The following PRKAA2 variants were observed in gnomAD, a reference collection of about 807,000 sequenced individuals.
The protein encoded by PRKAA2 is 5'-AMP-activated protein kinase catalytic subunit alpha-2.
Under a neutral mutation model 56.3 loss-of-function variants are expected in PRKAA2, and 40 were observed. That is an observed-to-expected ratio of 0.71 (90% CI 0.55 to 0.92). The LOEUF (loss-of-function observed/expected upper bound fraction) is 0.92. Among genes scored for constraint, PRKAA2 ranks in the 40% least tolerant of loss-of-function variants. PRKAA2 has a pLI of 0.00. For missense variants in PRKAA2, 542 were observed against 686.9 expected, an observed-to-expected ratio of 0.79 and a Z score of 2.36; for synonymous variants, 214 against 234.2, an observed-to-expected ratio of 0.91 and a Z score of 0.79.
chr1:56,654,178 G>A (rs1172286202), intron 1 of PRKAA2, among the ~76,000 whole-genome samples: 2 of 152,014 alleles, frequency 1.3e-5, no homozygotes, highest in Non-Finnish European at 2.9e-5. Context: ...GTCATATATT[G>A]AGGTAATTAC....
At chr1:56,693,202 C>T (rs1169290037) in intron 4 of PRKAA2, among the ~76,000 whole-genome samples, 1 of 152,102 alleles carries the variant, frequency 6.6e-6, no homozygotes, top group African/African-American at 2.4e-5. Flanking sequence ...ACTACTTTCT[C>T]TATTTCTCTT....
rs373434788 is a variant in PRKAA2 at position 56,707,514 on chromosome 1, A to G, written c.1460A>G (p.Gln487Arg). ...CAGAGATCTGGTTCCTCAACACCTC[A>G]GCGTTCCTGTTCTGCTGCTGGCTTA... Reference protein sequence around the residue: ...VEQRSGSSTPQRSCSAAGLHR... With the variant: ...VEQRSGSSTPRRSCSAAGLHR... Residue 487 changes from glutamine to arginine, a missense_variant, in exon 9 of 9, where the codon CAG becomes CGG. By Grantham distance (43) the Gln-to-Arg change is conservative. This residue lies in a region of PRKAA2 where 158 missense variants were observed against 166.1 expected (regional missense o/e 0.95). Coordinates refer to ENST00000371244, the MANE Select transcript of PRKAA2 (RefSeq NM_006252.4). 5 of 1,614,164 alleles carry G rather than the reference A, an allele frequency of 3.1e-6. No homozygotes were observed. The highest frequency in any genetic ancestry group is 4.2e-6 in the Non-Finnish European group (5 of 1,180,012).
chr1:56,666,187 T>C (rs527304025), intron 1 of PRKAA2, among the ~76,000 whole-genome samples: 83 of 152,264 alleles, frequency 5.5e-4, no homozygotes, highest in African/African-American at 1.7e-3. Context: ...TTTTTTTCCA[T>C]ACAGTAAATA....
chr1:56,703,432 C>T (rs1311970804), intron 6 of PRKAA2, among the ~76,000 whole-genome samples: 1 of 152,152 alleles, frequency 6.6e-6, no homozygotes, highest in Non-Finnish European at 1.5e-5. Flanking sequence ...CTCATACCTT[C>T]TTCATTCAAT....
rs58796323 is a variant in PRKAA2 at position 56,687,136 on chromosome 1, G to A, written c.237-4258G>A. ...CGACCTCAGGTGATTCACCTGTCTCGGCCTCCCAAAGTGCTGGGATTACAG... is the reference window on the plus strand; with the variant it reads ...CGACCTCAGGTGATTCACCTGTCTCAGCCTCCCAAAGTGCTGGGATTACAG... On this transcript the variant is annotated intron_variant, in intron 2 of 8. Coordinates refer to ENST00000371244, the MANE Select transcript of PRKAA2 (RefSeq NM_006252.4). Among the ~76,000 whole-genome samples the A allele has an allele frequency of 5.6e-3, 844 of 152,010 alleles. 9 individuals carry two copies. The highest frequency in any genetic ancestry group is 0.02 in the African/African-American group (816 of 41,438).
At chr1:56,656,456 A>G (rs1263732930) in intron 1 of PRKAA2, among the ~76,000 whole-genome samples, 2 of 152,194 alleles carry the variant, frequency 1.3e-5, no homozygotes, top group Non-Finnish European at 2.9e-5. Context: ...TGATTGGTTA[A>G]CTGCATTTGG....
At chr1:56,684,159 A>G (rs1030427541) in intron 2 of PRKAA2, among the ~76,000 whole-genome samples, 3 of 152,174 alleles carry the variant, frequency 2.0e-5, no homozygotes, top group Admixed American at 6.6e-5. Flanking sequence ...ACGCCAAGGC[A>G]TCTGGCCTCG....
At position 56,705,167 on chromosome 1, in the gene PRKAA2, A is replaced by G. The variant is rs550781967; in HGVS notation, c.1293+692A>G. On this transcript the variant is annotated intron_variant, in intron 7 of 8. Transcript: ENST00000371244. ...GAAGAAAAATGTGCAAACTTACCAC[A>G]TAAATATGCATTTGACGTGTTCAAA... Among the ~76,000 whole-genome samples the G allele has an allele frequency of 2.0e-5, 3 of 152,338 alleles. No homozygotes were observed. In the South Asian group the frequency reaches 6.2e-4, roughly 32 times the overall value.
In PRKAA2 at chr1:56,652,008, ATT is replaced by A. The variant is rs35462805; in HGVS notation, c.94+6548_94+6549del. ...AGGCGCCTGCCACCACGCCTGGCTAATTTTTTTTTTTTTTTTTTTTTTGGAGA... is the reference window on the plus strand; with the variant it reads ...AGGCGCCTGCCACCACGCCTGGCTAATTTTTTTTTTTTTTTTTTTTGGAGA... On this transcript the variant is annotated intron_variant, in intron 1 of 8. Coordinates refer to ENST00000371244, the MANE Select transcript of PRKAA2 (RefSeq NM_006252.4). Among the ~76,000 whole-genome samples, 705 of 106,496 alleles carry A rather than the reference ATT, an allele frequency of 6.6e-3. 3 individuals are homozygous for A. Among genetic ancestry groups the A allele is most frequent in the Admixed American group, 0.01 (107 of 10,216 alleles). The allele number at this position is 106,496 out of a possible 152,430, so 69.9% of individuals were successfully genotyped here. A position where few individuals can be genotyped will look rare whatever the true frequency, so the allele number is the denominator to read the frequency against.
At chr1:56,690,947 T>A (rs1205923899) in intron 2 of PRKAA2, among the ~76,000 whole-genome samples, 1 of 152,224 alleles carries the variant, frequency 6.6e-6, no homozygotes, top group Non-Finnish European at 1.5e-5. Context: ...TAGTTTGTTT[T>A]GCTGTCAATT....
At chr1:56,660,458 C>T (rs1332956799) in intron 1 of PRKAA2, among the ~76,000 whole-genome samples, 1 of 152,108 alleles carries the variant, frequency 6.6e-6, no homozygotes, top group Non-Finnish European at 1.5e-5. Context: ...ACAGCCCTAC[C>T]CCAGCCTTAC....
chr1:56,665,980 C>T (rs556524817), intron 1 of PRKAA2, among the ~76,000 whole-genome samples: 1 of 152,170 alleles, frequency 6.6e-6, no homozygotes, highest in African/African-American at 2.4e-5. Flanking sequence ...GAATGCAGTA[C>T]TACATAGGAT....
At position 56,707,819 on chromosome 1, in the gene PRKAA2, A is replaced by T. The variant is rs1351755161; in HGVS notation, c.*106A>T. 3 of 1,053,480 alleles carry T rather than the reference A, an allele frequency of 2.8e-6. No individual in the cohort carries two copies. In the South Asian group the frequency reaches 4.7e-5, roughly 17 times the overall value. The allele number at this position is 1,053,480 out of a possible 1,614,324, so 65.3% of individuals were successfully genotyped here. ...TCCACTGCAATACTAATTGAGAAACATGAATTATTTCCAGGGGCACACAAT... is the reference window on the plus strand; with the variant it reads ...TCCACTGCAATACTAATTGAGAAACTTGAATTATTTCCAGGGGCACACAAT... On this transcript the variant is annotated 3_prime_UTR_variant, in exon 9 of 9. Transcript: ENST00000371244.
chr1:56,705,462 T>C (rs893697400), intron 7 of PRKAA2, among the ~76,000 whole-genome samples: 1 of 152,024 alleles, frequency 6.6e-6, no homozygotes, highest in African/African-American at 2.4e-5. Context: ...TGGAGTGCAG[T>C]GGCGCGATCT....
At position 56,714,384 on chromosome 1, in the gene PRKAA2, G is replaced by T. The variant is rs953471494; in HGVS notation, c.*6671G>T. The T allele has an allele frequency of 3.3e-5, 5 of 152,020 alleles. No individual in the cohort carries two copies. Among genetic ancestry groups the T allele is most frequent in the Admixed American group, 6.6e-5 (1 of 15,240 alleles). The allele number at this position is 152,020 out of a possible 1,614,324, so 9.4% of individuals were successfully genotyped here. On this transcript the variant is annotated 3_prime_UTR_variant, in exon 9 of 9. Coordinates refer to ENST00000371244, the MANE Select transcript of PRKAA2 (RefSeq NM_006252.4). ...TTGAAAGCCCTTGTTTAAATACAGG[G>T]TTTATATCCCCACATTCAATGTAAA...
chr1:56,697,119 T>C (rs994250914), intron 6 of PRKAA2, among the ~76,000 whole-genome samples: 22 of 148,254 alleles, frequency 1.5e-4, no homozygotes, highest in African/African-American at 5.5e-4. Context: ...GCTGAGGTGT[T>C]CCTCCCACCC....
Position 56,707,725 on chromosome 1 carries a change from T to G in PRKAA2, c.*12T>G. The G allele has an allele frequency of 1.3e-6, 2 of 1,555,448 alleles. No homozygotes were observed. Among genetic ancestry groups the G allele is most frequent in the Non-Finnish European group, 8.9e-7 (1 of 1,127,124 alleles). ...CTTTAGCCCGTTGATCTGTCTCTAGTTTCTTTCTGTTATTGCACTATGAAA... is the reference window on the plus strand; with the variant it reads ...CTTTAGCCCGTTGATCTGTCTCTAGGTTCTTTCTGTTATTGCACTATGAAA... On this transcript the variant is annotated 3_prime_UTR_variant, in exon 9 of 9. Coordinates refer to ENST00000371244, the MANE Select transcript of PRKAA2 (RefSeq NM_006252.4).
In PRKAA2 at chr1:56,707,649, T is replaced by G. The variant is rs769645165; in HGVS notation, c.1595T>G (p.Leu532Arg). 123 of 1,613,978 alleles carry G rather than the reference T, an allele frequency of 7.6e-5. 1 individual carries two copies. The South Asian group carries it at 1.3e-3, about 17-fold the overall frequency. ...ACATTGTCTTCAGTTTCACCTCGCCTGGGCAGTCACACCATGGATTTTTTT... is the reference window on the plus strand; with the variant it reads ...ACATTGTCTTCAGTTTCACCTCGCCGGGGCAGTCACACCATGGATTTTTTT... ...GSTLSSVSPR[L>R]GSHTMDFFEM... Residue 532 changes from leucine to arginine, a missense_variant, in exon 9 of 9, where the codon CTG becomes CGG. Transcript: ENST00000371244.
intron 1 of PRKAA2, among the ~76,000 whole-genome samples, chr1:56,656,840 A>G (rs1452215246): frequency 1.3e-5 from 2 of 152,186 alleles, no homozygotes; most frequent in Non-Finnish European, 2.9e-5. Context: ...ATAAAAAGCT[A>G]AGTAAAACTG....
Sources: allele counts gnomAD v4.1 joint callset (sites outside exome capture counted in the v4.1 genomes callset), GRCh38; gene constraint gnomAD v4.1.1; regional missense constraint gnomAD v4.1.1; transcripts MANE v1.5; gene names NCBI Gene and HGNC (gene_info 2026-07-23, HGNC 2026-07-21).